The following DYRK1A variants were observed in gnomAD, a reference collection of about 807,000 sequenced individuals.
The protein encoded by DYRK1A is dual specificity tyrosine-phosphorylation-regulated kinase 1A.
In DYRK1A, 9 loss-of-function variants were observed where a neutral mutation model predicts 79.7. That is an observed-to-expected ratio of 0.11 (90% CI 0.07 to 0.20). The LOEUF is 0.20. Among genes scored for constraint, DYRK1A ranks in the 10% least tolerant of loss-of-function variants. DYRK1A has a pLI of 1.00. For missense variants in DYRK1A, 622 were observed against 956.0 expected, an observed-to-expected ratio of 0.65 and a Z score of 4.61; for synonymous variants, 349 against 329.7, an observed-to-expected ratio of 1.06 and a Z score of -0.63.
chr21:37,443,679 G>A (rs1601105236), intron 2 of DYRK1A, among the ~76,000 whole-genome samples: 3 of 152,178 alleles, frequency 2.0e-5, no homozygotes, highest in Admixed American at 6.5e-5. Context: ...GAGTATCGAT[G>A]TTTCCCATTC....
At chr21:37,499,511 G>A (rs931769301) in intron 9 of DYRK1A, among the ~76,000 whole-genome samples, 4 of 152,132 alleles carry the variant, frequency 2.6e-5, no homozygotes, top group African/African-American at 4.8e-5. Flanking sequence ...TTGCATTCAG[G>A]AAAATGGACA....
intron 1 of DYRK1A, among the ~76,000 whole-genome samples, chr21:37,404,583 T>G (rs1262595810): frequency 6.6e-6 from 1 of 152,162 alleles, no homozygotes; most frequent in Non-Finnish European, 1.5e-5. Context: ...CCTTCACATC[T>G]CAGCATGCCC....
In DYRK1A at chr21:37,512,534, A is replaced by T. The variant is rs1289087946; in HGVS notation, c.*3A>T. On this transcript the variant is annotated 3_prime_UTR_variant, in exon 12 of 12. Transcript: ENST00000647188. ...AGAGTCCTGTAGCTAGCTCGTGACT[A>T]CATTGAAACTTGAGTTTGTTTCTTG... 2 of 1,604,066 alleles carry T rather than the reference A, an allele frequency of 1.2e-6. No individual in the cohort carries two copies. Among genetic ancestry groups the T allele is most frequent in the Middle Eastern group, 1.7e-4 (1 of 5,990 alleles).
chr21:37,493,935 T>TC (rs960637451), intron 8 of DYRK1A, among the ~76,000 whole-genome samples: 3 of 127,534 alleles, frequency 2.4e-5, no homozygotes, highest in African/African-American at 8.7e-5. Flanking sequence ...TAATTCTTCT[T>TC]TTTTTTTTTT....
intron 9 of DYRK1A, among the ~76,000 whole-genome samples, chr21:37,499,528 C>G (rs1381954328): frequency 3.9e-5 from 6 of 152,126 alleles, no homozygotes; most frequent in Non-Finnish European, 8.8e-5. Context: ...GACATCTTAA[C>G]AATATTAAGT....
chr21:37,495,092 C>CA (rs539354308), intron 8 of DYRK1A, among the ~76,000 whole-genome samples: 3 of 151,656 alleles, frequency 2.0e-5, no homozygotes, highest in Admixed American at 6.6e-5. Flanking sequence ...TAGGCACACT[C>CA]ATTTAAAGTA....
intron 1 of DYRK1A, 169 bp from the exon 2 acceptor site, chr21:37,420,130 T>A (rs182913486): frequency 5.7e-4 from 191 of 336,100 alleles, no homozygotes; most frequent in Non-Finnish European, 9.1e-4. Flanking sequence ...TGATTTTGAT[T>A]ATTGAAGACT....
At chr21:37,404,275 C>T (rs1347904703) in intron 1 of DYRK1A, among the ~76,000 whole-genome samples, 1 of 152,080 alleles carries the variant, frequency 6.6e-6, no homozygotes, top group Non-Finnish European at 1.5e-5. Flanking sequence ...TGTGGGCACC[C>T]TGTGGCCTAG....
At chr21:37,409,955 C>T (rs1286317736) in intron 1 of DYRK1A, among the ~76,000 whole-genome samples, 1 of 152,042 alleles carries the variant, frequency 6.6e-6, no homozygotes, top group Non-Finnish European at 1.5e-5. Context: ...TAATGATAAA[C>T]TTTTGTATAT....
At chr21:37,410,065 TA>T (rs1282384709) in intron 1 of DYRK1A, among the ~76,000 whole-genome samples, 2 of 152,224 alleles carry the variant, frequency 1.3e-5, no homozygotes, top group Admixed American at 1.3e-4. Flanking sequence ...GCTACAGATA[TA>T]AAAACTATTT....
chr21:37,514,247 T>C lies in DYRK1A; in HGVS notation c.*1716T>C, dbSNP rs1485512157. 1.3e-5 allele frequency: 2 copies of C among 152,778 alleles called. No individual in the cohort carries two copies. The highest frequency in any genetic ancestry group is 3.4e-3 in the Middle Eastern group (1 of 294). 9.5% of individuals were successfully genotyped at this position (152,778 alleles called of 1,614,324 possible). On this transcript the variant is annotated 3_prime_UTR_variant, in exon 12 of 12. Transcript: ENST00000647188. ...CGTGACCTGAGCAGACAGGCTGGTA[T>C]TTAACAGGTGCCTCGTGTTGAGATT...
chr21:37,369,616 C>T (rs541282108), intron 1 of DYRK1A, among the ~76,000 whole-genome samples: 1 of 152,198 alleles, frequency 6.6e-6, no homozygotes, highest in Non-Finnish European at 1.5e-5. Context: ...ATTTTTACCT[C>T]GAGAGGCATA....
chr21:37,436,241 C>A (rs2148465458), intron 2 of DYRK1A, among the ~76,000 whole-genome samples: 1 of 152,074 alleles, frequency 6.6e-6, no homozygotes, highest in East Asian at 1.9e-4. Context: ...TTTCAAACAG[C>A]TAGAGAGTAA....
chr21:37,440,600 T>A (rs1180984224), intron 2 of DYRK1A, among the ~76,000 whole-genome samples: 1 of 152,228 alleles, frequency 6.6e-6, no homozygotes, highest in African/African-American at 2.4e-5. Flanking sequence ...CTTTTCAGAA[T>A]GCTTTATAAT....
chr21:37,395,437 G>A (rs1182740708), intron 1 of DYRK1A, among the ~76,000 whole-genome samples: 1 of 152,100 alleles, frequency 6.6e-6, no homozygotes, highest in African/African-American at 2.4e-5. Context: ...ATTGTTCTTC[G>A]GAGGGGGATG....
chr21:37,414,926 A>G (rs745607718), intron 1 of DYRK1A, among the ~76,000 whole-genome samples: 38 of 152,210 alleles, frequency 2.5e-4, no homozygotes, highest in Admixed American at 1.6e-3. Context: ...GGTAGTTTAC[A>G]TATTTTGAGT....
chr21:37,452,020 A>C (rs913880065), intron 2 of DYRK1A, among the ~76,000 whole-genome samples: 1 of 152,160 alleles, frequency 6.6e-6, no homozygotes, highest in Non-Finnish European at 1.5e-5. Flanking sequence ...GGTGCAGTTA[A>C]GGGAAAGGAT....
rs374312211 is a variant in DYRK1A at position 37,372,340 on chromosome 21, C to G, written c.-77+4712C>G. Among the ~76,000 whole-genome samples, 38 of 151,302 alleles carry G rather than the reference C, an allele frequency of 2.5e-4. No individual in the cohort carries two copies. In the East Asian group the frequency reaches 6.2e-3, roughly 25 times the overall value. ...AGTGCCACCTGTAGTCCAGGCTACT[C>G]AGGAGACTGAGGTGGGAGGATCAGT... On this transcript the variant is annotated intron_variant, in intron 1 of 11. Coordinates refer to ENST00000647188, the MANE Select transcript of DYRK1A (RefSeq NM_001347721.2).
intron 1 of DYRK1A, among the ~76,000 whole-genome samples, chr21:37,374,569 T>C (rs2049499350): frequency 1.3e-5 from 2 of 151,910 alleles, no homozygotes; most frequent in African/African-American, 4.8e-5. Context: ...TTCTTTTTTT[T>C]TGAGACAGAG....
Sources: allele counts gnomAD v4.1 joint callset (sites outside exome capture counted in the v4.1 genomes callset), GRCh38; gene constraint gnomAD v4.1.1; transcripts MANE v1.5; gene names NCBI Gene and HGNC (gene_info 2026-07-23, HGNC 2026-07-21).